Variants in CDH23 observed in about 807,000 individuals in gnomAD.
CDH23 encodes cadherin-23.
In CDH23, 189 loss-of-function variants were observed where a neutral mutation model predicts 317.1. The observed-to-expected ratio is 0.60, with a 90% CI of 0.53 to 0.67. CDH23 has a LOEUF of 0.67. Ranked by LOEUF, CDH23 falls within the 30% of genes least tolerant of loss-of-function variation. The pLI is 0.00. For missense variants in CDH23, 4,401 were observed against 4,592.4 expected, an observed-to-expected ratio of 0.96 and a Z score of 1.20; for synonymous variants, 1,839 against 1,876.8, an observed-to-expected ratio of 0.98 and a Z score of 0.52.
intron 57 of CDH23, 110 bp downstream of exon 57, chr10:71,806,391 G>A: frequency 1.3e-6 from 1 of 757,758 alleles, no homozygotes; most frequent in South Asian, 1.5e-5. Flanking sequence ...GGCTAGACAC[G>A]GAAACATGTC....
chr10:71,475,464 GC>G (rs1308094788), intron 3 of CDH23, among the ~76,000 whole-genome samples: 1 of 152,220 alleles, frequency 6.6e-6, no homozygotes, highest in Non-Finnish European at 1.5e-5. Context: ...GTTGAGGACA[GC>G]TTTTTTGCAC....
chr10:71,738,417 A>C, intron 34 of CDH23, 81 bp from the exon 35 acceptor site: 1 of 1,541,404 alleles, frequency 6.5e-7, no homozygotes, highest in Non-Finnish European at 9.0e-7. Flanking sequence ...TCTGGTCCCT[A>C]CTGGACCCAC....
chr10:71,554,257 G>T (rs1361729556), intron 6 of CDH23, among the ~76,000 whole-genome samples: 2 of 152,116 alleles, frequency 1.3e-5, no homozygotes, highest in African/African-American at 4.8e-5. Context: ...GAGTGCAGCA[G>T]TGCAGTCACA....
At chr10:71,679,593 C>A in intron 17 of CDH23, 101 bp downstream of exon 17, 1 of 933,574 alleles carries the variant, frequency 1.1e-6, no homozygotes, top group South Asian at 1.5e-5. Flanking sequence ...CTCCTTGTCT[C>A]CCTGACACTC....
At chr10:71,645,169 G>A (rs1862772438) in intron 12 of CDH23, among the ~76,000 whole-genome samples, 1 of 152,216 alleles carries the variant, frequency 6.6e-6, no homozygotes, top group Admixed American at 6.5e-5. Flanking sequence ...TGATGGGCTT[G>A]GGCCTCTGGG....
chr10:71,802,839 G>A (rs1040161004), intron 53 of CDH23, 59 bp from the exon 54 acceptor site: 10 of 1,581,774 alleles, frequency 6.3e-6, no homozygotes, highest in African/African-American at 1.3e-5. Context: ...GCATGACCAG[G>A]TCCGCTGAGG....
At chr10:71,561,866 G>A (rs563396770) in intron 6 of CDH23, among the ~76,000 whole-genome samples, 5 of 152,194 alleles carry the variant, frequency 3.3e-5, no homozygotes, top group Admixed American at 3.3e-4. Flanking sequence ...AAGGAGGGGA[G>A]GAGGGAAGCA....
intron 3 of CDH23, among the ~76,000 whole-genome samples, chr10:71,492,835 G>T (rs1421540569): frequency 6.6e-6 from 1 of 152,172 alleles, no homozygotes; most frequent in Non-Finnish European, 1.5e-5. Context: ...AGTCTGCCGT[G>T]GGGGGCTCGT....
At chr10:71,719,291 G>A (rs762853495) in intron 28 of CDH23, among the ~76,000 whole-genome samples, 1 of 152,250 alleles carries the variant, frequency 6.6e-6, no homozygotes, top group Admixed American at 6.5e-5. Flanking sequence ...CCGGACCAAG[G>A]CCAGGAATCA....
chr10:71,779,224 C>T (rs1840891299), intron 40 of CDH23, 43 bp from the exon 41 acceptor site: 2 of 1,591,382 alleles, frequency 1.3e-6, no homozygotes, highest in South Asian at 2.2e-5. Context: ...CAGCACAAAG[C>T]TGGCTGGGGT....
In CDH23 at chr10:71,584,800, G is replaced by A. The variant is rs1049388863; in HGVS notation, c.832+6808G>A. 3.3e-5 allele frequency among the ~76,000 whole-genome samples: 5 copies of A among 152,302 alleles called. No individual in the cohort carries two copies. In the South Asian group the frequency reaches 6.2e-4, roughly 19 times the overall value. On this transcript the variant is annotated intron_variant, in intron 9 of 69. Transcript: ENST00000224721. ...CAGAATTGCTTTGGAACTCTGAATC[G>A]CACACCACAGCTCCTGGCTTAGGGT...
chr10:71,801,741 C>T (rs1451272799), intron 53 of CDH23, among the ~76,000 whole-genome samples: 1 of 152,178 alleles, frequency 6.6e-6, no homozygotes, highest in African/African-American at 2.4e-5. Flanking sequence ...GCTGAATGGG[C>T]CAAGACCACT....
In CDH23 at chr10:71,712,729, G is replaced by A. The variant is rs762681991; in HGVS notation, c.3285G>A (p.Val1095=). 3.7e-6 allele frequency: 6 copies of A among 1,613,706 alleles called. No homozygotes were observed. The highest frequency in any genetic ancestry group is 3.4e-6 in the Non-Finnish European group (4 of 1,179,852). ...TATVFVTVLD[V]NDNRPIFLQS... is the part of the protein sequence containing the mutation. ...CCGTGTTCGTCACTGTCCTGGATGTGAATGACAACCGGCCCATCTTTCTGC... is the reference window on the plus strand; with the variant it reads ...CCGTGTTCGTCACTGTCCTGGATGTAAATGACAACCGGCCCATCTTTCTGC... Residue 1095 remains valine, a synonymous_variant, in exon 28 of 70, where the codon GTG becomes GTA. Transcript: ENST00000224721.
intron 1 of CDH23, among the ~76,000 whole-genome samples, chr10:71,436,914 C>T (rs1849648192): frequency 6.6e-6 from 1 of 152,204 alleles, no homozygotes; most frequent in Non-Finnish European, 1.5e-5. Context: ...CTCGGTTTCT[C>T]CACTTGTAAA....
chr10:71,716,432 G>A (rs999899170), intron 28 of CDH23: 10 of 1,055,084 alleles, frequency 9.5e-6, no homozygotes, highest in African/African-American at 1.6e-5. Context: ...GAATGTGGAT[G>A]GGGGCAAGGC....
chr10:71,700,205 G>A (rs1865531533), intron 22 of CDH23, among the ~76,000 whole-genome samples: 1 of 152,142 alleles, frequency 6.6e-6, no homozygotes, highest in South Asian at 2.1e-4. Flanking sequence ...TGGCCAACAT[G>A]GTAAAACCTT....
intron 3 of CDH23, among the ~76,000 whole-genome samples, chr10:71,471,881 G>A (rs927377168): frequency 1.3e-5 from 2 of 152,170 alleles, no homozygotes; most frequent in Non-Finnish European, 2.9e-5. Context: ...AGCTTAGCAT[G>A]TACACACATC....
Position 71,806,334 on chromosome 10 carries a change from C to G in CDH23, c.8178+53C>G, listed in dbSNP as rs770078630. ...CACACCCACACAGGGACTCACCTGC[C>G]TGCAAGCACACACTCTCCTATATAC... On this transcript the variant is annotated intron_variant, in intron 57 of 69. Coordinates refer to ENST00000224721, the MANE Select transcript of CDH23 (RefSeq NM_022124.6). 565 of 1,254,460 alleles carry G rather than the reference C, an allele frequency of 4.5e-4. 1 individual carries two copies. Among genetic ancestry groups the G allele is most frequent in the Non-Finnish European group, 6.2e-4 (549 of 884,974 alleles). 77.7% of individuals were successfully genotyped at this position (1,254,460 alleles called of 1,614,324 possible). A position where few individuals can be genotyped will look rare whatever the true frequency, so the allele number is the denominator to read the frequency against.
intron 3 of CDH23, 93 bp from the exon 4 acceptor site, chr10:71,509,989 T>C (rs1264549799): frequency 6.9e-7 from 1 of 1,457,128 alleles, no homozygotes; most frequent in East Asian, 2.3e-5. Flanking sequence ...GAATGGCCAC[T>C]CCCTGCTGAG....
Sources: allele counts gnomAD v4.1 joint callset (sites outside exome capture counted in the v4.1 genomes callset), GRCh38; gene constraint gnomAD v4.1.1; transcripts MANE v1.5; gene names NCBI Gene and HGNC (gene_info 2026-07-23, HGNC 2026-07-21).